WNT4: variants seen among roughly 807,000 people sequenced by gnomAD.
WNT4 encodes the protein Wnt family member 4, also known as protein Wnt-4.
Under a neutral mutation model 34.5 loss-of-function variants are expected in WNT4, and 16 were observed. The ratio of observed to expected loss-of-function variants is 0.46; its 90% CI spans 0.31 to 0.70. The LOEUF (loss-of-function observed/expected upper bound fraction) is 0.70, where lower values mean the gene tolerates loss of function less well. Among genes scored for constraint, WNT4 ranks in the 30% least tolerant of loss-of-function variants. The pLI, the probability that WNT4 is intolerant of heterozygous loss-of-function variation, is 0.04. For missense variants in WNT4, 379 were observed against 495.9 expected (o/e 0.76, Z 2.24); for synonymous variants, 200 against 211.9 (o/e 0.94, Z 0.49).
Position 22,119,150 on chromosome 1 carries a change from C to CT in WNT4, c.*899dup, listed in dbSNP as rs1645871181. 2 of 147,192 alleles carry CT rather than the reference C, an allele frequency of 1.4e-5. No homozygotes were observed. The highest frequency in any genetic ancestry group is 5.2e-5 in the African/African-American group (2 of 38,676). The allele number at this position is 147,192 out of a possible 1,614,324, so 9.1% of individuals were successfully genotyped here. The stretch of plus-strand genomic sequence containing the variant: ...GGGGCATGACTGCAAAGGCACAGCC[C>CT]TTTCCTCCCTCTCTCTCGCAGGTGT... On this transcript the variant is annotated 3_prime_UTR_variant, in exon 5 of 5. Transcript: ENST00000290167.
In WNT4 at chr1:22,142,834, G is replaced by T; in HGVS notation, c.77+12C>A. The T allele has an allele frequency of 8.4e-7, 1 of 1,195,586 alleles. No individual in the cohort carries two copies. Among genetic ancestry groups the T allele is most frequent in the Non-Finnish European group, 1.1e-6 (1 of 937,518 alleles). 74.1% of individuals were successfully genotyped at this position (1,195,586 alleles called of 1,614,324 possible). A position where few individuals can be genotyped will look rare whatever the true frequency, so the allele number is the denominator to read the frequency against. Reference sequence around the variant, plus strand: ...GCCCCGCCCCGCCCCGCTCGGCCCCGGCCAGACTTACAGCCAGTTGCTCGC... The same window carrying T: ...GCCCCGCCCCGCCCCGCTCGGCCCCTGCCAGACTTACAGCCAGTTGCTCGC... On this transcript the variant is annotated intron_variant, in intron 1 of 4. Coordinates refer to ENST00000290167, the MANE Select transcript of WNT4 (RefSeq NM_030761.5). The surrounding 1 kb of genome is among the most constrained non-coding windows in gnomAD (Gnocchi z 6.0).
chr1:22,138,910 C>T (rs948139575), intron 1 of WNT4, among the ~76,000 whole-genome samples: 2 of 152,156 alleles, frequency 1.3e-5, no homozygotes, highest in Non-Finnish European at 2.9e-5. Context: ...GGAGCTTGGC[C>T]GGAAGTCGCA....
chr1:22,142,912 CG>C lies in WNT4; in HGVS notation c.10del (p.Arg4AlafsTer46). On this transcript the variant is annotated frameshift_variant, in exon 1 of 5. Transcript: ENST00000290167. LOFTEE classifies it high-confidence loss of function. The surrounding 1 kb of genome is among the most constrained non-coding windows in gnomAD (Gnocchi z 6.0). Reference sequence around the variant, plus strand: ...GAGGCGCAGCGAACGCAGGCACGAGCGGGGACTCATGGTGCCGCCGCGGGCG... The same window carrying C: ...GAGGCGCAGCGAACGCAGGCACGAGCGGGACTCATGGTGCCGCCGCGGGCG... MSP[R>X]SCLRSLRLLV... The C allele has an allele frequency of 8.4e-7, 1 of 1,186,448 alleles. No individual in the cohort carries two copies. Among genetic ancestry groups the C allele is most frequent in the Admixed American group, 2.9e-5 (1 of 34,436 alleles). The allele number at this position is 1,186,448 out of a possible 1,614,324, so 73.5% of individuals were successfully genotyped here.
chr1:22,119,909 A>G lies in WNT4; in HGVS notation c.*141T>C. The G allele has an allele frequency of 9.1e-7, 1 of 1,103,760 alleles. No individual in the cohort carries two copies. The highest frequency in any genetic ancestry group is 1.3e-6 in the Non-Finnish European group (1 of 778,080). The allele number at this position is 1,103,760 out of a possible 1,614,324, so 68.4% of individuals were successfully genotyped here. A position where few individuals can be genotyped will look rare whatever the true frequency, so the allele number is the denominator to read the frequency against. The stretch of plus-strand genomic sequence containing the variant: ...TGGGGTTGCCTGCCTGGTTTCGGCA[A>G]TAAATAACATGAGGACCCAAAAACC... On this transcript the variant is annotated 3_prime_UTR_variant, in exon 5 of 5. Transcript: ENST00000290167.
At chr1:22,132,173 G>A (rs902839006) in intron 1 of WNT4, among the ~76,000 whole-genome samples, 6 of 152,228 alleles carry the variant, frequency 3.9e-5, no homozygotes, top group Non-Finnish European at 8.8e-5. Context: ...GCCTGACGTT[G>A]GATCCTTTCC....
chr1:22,130,812 A>C (rs1489435680), intron 1 of WNT4, among the ~76,000 whole-genome samples: 1 of 152,218 alleles, frequency 6.6e-6, no homozygotes, highest in Non-Finnish European at 1.5e-5. Flanking sequence ...TGAATGAGGG[A>C]ATGAATGAAT....
rs1318749368 is a variant in WNT4, at chr1:22,134,885, C to T, written c.78-5034G>A. On this transcript the variant is annotated intron_variant, in intron 1 of 4. Transcript: ENST00000290167. This position sits in a 1 kb window ranked among gnomAD's most constrained non-coding sequence, Gnocchi z 4.1. The stretch of plus-strand genomic sequence containing the variant: ...CTTGGGTCTCTTGGCCCTCTTAGTC[C>T]TGGGTTCCCAGTCTTTTTTTCAGCT... Among the ~76,000 whole-genome samples, 1 of 152,124 alleles carries T rather than the reference C, an allele frequency of 6.6e-6. No homozygotes were observed. The highest frequency in any genetic ancestry group is 1.5e-5 in the Non-Finnish European group (1 of 68,026).
At chr1:22,132,028 C>A (rs1214159821) in intron 1 of WNT4, among the ~76,000 whole-genome samples, 1 of 152,222 alleles carries the variant, frequency 6.6e-6, no homozygotes, top group Non-Finnish European at 1.5e-5. Context: ...CTGTGCCCAG[C>A]CAAGGGGTCG....
In WNT4 at chr1:22,139,243, C is replaced by A. The variant is rs573948340; in HGVS notation, c.77+3603G>T. Among the ~76,000 whole-genome samples, 1 of 152,310 alleles carries A rather than the reference C, an allele frequency of 6.6e-6. No individual in the cohort carries two copies. ...AGCCCTGCAGCTCCCTGACAGCAGC[C>A]CTTGCTTCCGGCAGCTGCCAGGGCT... On this transcript the variant is annotated intron_variant, in intron 1 of 4. Coordinates refer to ENST00000290167, the MANE Select transcript of WNT4 (RefSeq NM_030761.5). This position sits in a 1 kb window ranked among gnomAD's most constrained non-coding sequence, Gnocchi z 4.6.
chr1:22,125,130 T>C (rs1645930794), intron 2 of WNT4, among the ~76,000 whole-genome samples: 2 of 152,182 alleles, frequency 1.3e-5, no homozygotes, highest in Non-Finnish European at 2.9e-5. Flanking sequence ...TTCTGAGCCT[T>C]CCTGAGTTGA....
intron 1 of WNT4, among the ~76,000 whole-genome samples, chr1:22,135,923 A>T (rs1273121870): frequency 1.3e-5 from 2 of 150,804 alleles, no homozygotes; most frequent in Non-Finnish European, 3.0e-5. Context: ...GTCTCCTGGG[A>T]CCCCTCGCTC....
intron 4 of WNT4, 85 bp from the exon 5 acceptor site, chr1:22,120,602 C>G: frequency 7.1e-7 from 1 of 1,402,764 alleles, no homozygotes; most frequent in South Asian, 1.3e-5. Context: ...AGCCGAGCAT[C>G]GGGGTCCCTG....
intron 2 of WNT4, among the ~76,000 whole-genome samples, chr1:22,121,822 A>T (rs1351307761): frequency 1.3e-5 from 2 of 151,832 alleles, no homozygotes; most frequent in Non-Finnish European, 2.9e-5. Context: ...CCTCACAACC[A>T]CCCCAGGAGG....
chr1:22,133,383 G>A (rs1482485905), intron 1 of WNT4, among the ~76,000 whole-genome samples: 2 of 152,140 alleles, frequency 1.3e-5, no homozygotes, highest in Non-Finnish European at 2.9e-5. Flanking sequence ...CCATCAGGGC[G>A]AGGCCTGATT....
intron 4 of WNT4, 42 bp from the exon 5 acceptor site, chr1:22,120,559 A>AAGGGAAGGC (rs767373254): frequency 3.8e-5 from 60 of 1,567,844 alleles, no homozygotes; most frequent in Non-Finnish European, 5.0e-5. Context: ...AGGAGATGGC[A>AAGGGAAGGC]AGGGAAGGCA....
Position 22,128,590 on chromosome 1 carries a change from G to A in WNT4, c.313+1026C>T, listed in dbSNP as rs11583795. On this transcript the variant is annotated intron_variant, in intron 2 of 4. Coordinates refer to ENST00000290167, the MANE Select transcript of WNT4 (RefSeq NM_030761.5). ...AGCATCCCAGCCCCAGCCAGGGGTGGTGTCCACCCTGTGCTTCCACAGGCT... is the reference window on the plus strand; with the variant it reads ...AGCATCCCAGCCCCAGCCAGGGGTGATGTCCACCCTGTGCTTCCACAGGCT... 5.3e-3 allele frequency among the ~76,000 whole-genome samples: 811 copies of A among 152,288 alleles called. 6 individuals are homozygous for A. The highest frequency in any genetic ancestry group is 0.019 in the African/African-American group (781 of 41,560).
chr1:22,134,015 TCCTC>T lies in WNT4; in HGVS notation c.78-4168_78-4165del, dbSNP rs879888789. ...AGAGGAAAATCTGCACCTCTGCGACTCCTCCCAGCTCTTACGCTGTGAGTCAAGA... is the reference window on the plus strand; with the variant it reads ...AGAGGAAAATCTGCACCTCTGCGACTCCAGCTCTTACGCTGTGAGTCAAGA... On this transcript the variant is annotated intron_variant, in intron 1 of 4. Coordinates refer to ENST00000290167, the MANE Select transcript of WNT4 (RefSeq NM_030761.5). This position sits in a 1 kb window ranked among gnomAD's most constrained non-coding sequence, Gnocchi z 4.1. Among the ~76,000 whole-genome samples, 12 of 152,220 alleles carry T rather than the reference TCCTC, an allele frequency of 7.9e-5. No individual in the cohort carries two copies. Among genetic ancestry groups the T allele is most frequent in the Non-Finnish European group, 1.8e-4 (12 of 68,046 alleles).
At chr1:22,132,839 C>A (rs534709766) in intron 1 of WNT4, among the ~76,000 whole-genome samples, 4 of 152,234 alleles carry the variant, frequency 2.6e-5, no homozygotes, top group Admixed American at 2.0e-4. Flanking sequence ...CGAGGCCCAG[C>A]CCCATCCCCA....
At chr1:22,129,922 T>C in intron 1 of WNT4, 71 bp from the exon 2 acceptor site, 2 of 1,559,156 alleles carry the variant, frequency 1.3e-6, no homozygotes, top group Non-Finnish European at 1.8e-6. Flanking sequence ...AGGCCTGAGC[T>C]CCAGCCCGGG....
Sources: allele counts gnomAD v4.1 joint callset (sites outside exome capture counted in the v4.1 genomes callset), GRCh38; gene constraint gnomAD v4.1.1; non-coding constraint Gnocchi (gnomAD v3.1); transcripts MANE v1.5; gene names NCBI Gene and HGNC (gene_info 2026-07-23, HGNC 2026-07-21).